Variants in CACNA1C observed in about 807,000 individuals in gnomAD.
The protein encoded by CACNA1C is calcium voltage-gated channel subunit alpha1 C, also known as voltage-dependent L-type calcium channel subunit alpha-1C.
In CACNA1C, 30 loss-of-function variants were observed where a neutral mutation model predicts 229.0. That is an observed-to-expected ratio of 0.13 (90% CI 0.10 to 0.18). The LOEUF is 0.18. CACNA1C is among the 10% of genes least tolerant of loss of function. CACNA1C has a pLI of 1.00. For synonymous variants in CACNA1C, 1,114 were observed against 1,132.5 expected (o/e 0.98, Z 0.33); for missense variants, 1,658 against 2,845.0 (o/e 0.58, Z 9.49).
intron 3 of CACNA1C, among the ~76,000 whole-genome samples, chr12:2,326,870 A>G (rs16929251): frequency 0.032 from 4,861 of 152,354 alleles, 176 homozygotes; most frequent in African/African-American, 0.083. Context: ...CAGGGTAGGC[A>G]TCAACAACTG....
intron 1 of CACNA1C, among the ~76,000 whole-genome samples, chr12:2,024,212 A>G (rs1448190308): frequency 6.6e-6 from 1 of 152,236 alleles, no homozygotes; most frequent in African/African-American, 2.4e-5. Flanking sequence ...CCTGAGGCTC[A>G]TTATGAGAAA....
chr12:2,646,259 G>A lies in CACNA1C; in HGVS notation c.3913-2216G>A, dbSNP rs2153629242. 6.6e-6 allele frequency: 1 copy of A among 152,058 alleles called. No individual in the cohort carries two copies. The highest frequency in any genetic ancestry group is 2.1e-4 in the South Asian group (1 of 4,804). The allele number at this position is 152,058 out of a possible 1,614,324, so 9.4% of individuals were successfully genotyped here. On this transcript the variant is annotated intron_variant, in intron 30 of 46. Transcript: ENST00000399655. The surrounding 1 kb of genome is among the most constrained non-coding windows in gnomAD (Gnocchi z 4.6). ...TCTGAATGTTTAAGAAGTAAAACAG[G>A]TTTTTTTTGGTTTTGTTTTGTTTTG... is the stretch of plus-strand genomic sequence containing the variant.
At chr12:2,330,710 AAAC>A (rs2096518994) in intron 3 of CACNA1C, among the ~76,000 whole-genome samples, 2 of 152,256 alleles carry the variant, frequency 1.3e-5, no homozygotes, top group Non-Finnish European at 2.9e-5. Flanking sequence ...CAATTTCTAA[AAAC>A]AACAATGATA....
At chr12:2,147,948 G>A (rs1000168349) in intron 3 of CACNA1C, among the ~76,000 whole-genome samples, 1 of 151,236 alleles carries the variant, frequency 6.6e-6, no homozygotes, top group Non-Finnish European at 1.5e-5. Flanking sequence ...GTAACAGGAG[G>A]ATGCTAGGAA....
At chr12:2,528,628 G>C (rs1235955218) in intron 9 of CACNA1C, among the ~76,000 whole-genome samples, 1 of 152,180 alleles carries the variant, frequency 6.6e-6, no homozygotes, top group African/African-American at 2.4e-5. Context: ...CACAAGTTTT[G>C]CAGCGGAGAA....
At chr12:2,135,591 TG>T (rs1314307851) in intron 3 of CACNA1C, among the ~76,000 whole-genome samples, 4 of 135,536 alleles carry the variant, frequency 3.0e-5, no homozygotes, top group African/African-American at 1.0e-4. Flanking sequence ...CTGCCCCTGC[TG>T]GGGGGTGCCT....
At position 2,682,694 on chromosome 12, in the gene CACNA1C, C is replaced by G; in HGVS notation, c.5573+16C>G. The G allele has an allele frequency of 6.2e-7, 1 of 1,606,322 alleles. No individual in the cohort carries two copies. The highest frequency in any genetic ancestry group is 8.5e-7 in the Non-Finnish European group (1 of 1,178,264). On this transcript the variant is annotated intron_variant, in intron 43 of 46. Transcript: ENST00000399655. ...CCACAGAGATGTGAGCTCTGCTGCC[C>G]TCTGCTGAGGCTGACCCAAGTGTGG... is the stretch of plus-strand genomic sequence containing the variant.
intron 3 of CACNA1C, among the ~76,000 whole-genome samples, chr12:2,357,650 G>C (rs1368017153): frequency 7.1e-6 from 1 of 140,732 alleles, no homozygotes; most frequent in African/African-American, 2.8e-5. Flanking sequence ...TTATTTGTTT[G>C]GGTTTTTTTT....
Position 2,525,095 on chromosome 12 carries a change from G to A in CACNA1C, c.1390+12111G>A, listed in dbSNP as rs369120035. 3.1e-4 allele frequency among the ~76,000 whole-genome samples: 47 copies of A among 152,334 alleles called. No homozygotes were observed. The East Asian group carries it at 7.0e-3, about 23-fold the overall frequency. Reference sequence around the variant, plus strand: ...GAAGCCAAAAAGAAAGATCAGGACAGAAAGACTGGGACCTGGTCCCAAAGG... The same window carrying A: ...GAAGCCAAAAAGAAAGATCAGGACAAAAAGACTGGGACCTGGTCCCAAAGG... On this transcript the variant is annotated intron_variant, in intron 9 of 46. Transcript: ENST00000399655.
Position 2,595,107 on chromosome 12 carries a change from G to T in CACNA1C, c.2664-767G>T, listed in dbSNP as rs1485875008. Among the ~76,000 whole-genome samples the T allele has an allele frequency of 1.3e-5, 2 of 152,164 alleles. No homozygotes were observed. Among genetic ancestry groups the T allele is most frequent in the Non-Finnish European group, 2.9e-5 (2 of 68,040 alleles). On this transcript the variant is annotated intron_variant, in intron 19 of 46. Coordinates refer to ENST00000399655, the MANE Select transcript of CACNA1C (RefSeq NM_000719.7). The surrounding 1 kb of genome is among the most constrained non-coding windows in gnomAD (Gnocchi z 4.1). ...AGAGAGTTTGGCCCTTCGAGGGTTT[G>T]GTGCTTCTGCAGCAGGAGGGCTTCT...
chr12:2,443,482 C>T (rs10848655), intron 3 of CACNA1C, among the ~76,000 whole-genome samples: 1 of 152,098 alleles, frequency 6.6e-6, no homozygotes, highest in African/African-American at 2.4e-5. Context: ...TGCAGTTGTT[C>T]GTACCTCCTC....
At chr12:2,316,118 T>C (rs1419323646) in intron 3 of CACNA1C, among the ~76,000 whole-genome samples, 1 of 152,246 alleles carries the variant, frequency 6.6e-6, no homozygotes, top group Non-Finnish European at 1.5e-5. Flanking sequence ...AGCTGCTGGC[T>C]CCACTAAGAG....
chr12:2,230,014 G>A (rs761176843), intron 3 of CACNA1C, among the ~76,000 whole-genome samples: 8 of 152,206 alleles, frequency 5.3e-5, no homozygotes, highest in Non-Finnish European at 7.4e-5. Context: ...GCCTGGCTCC[G>A]CAGTAGCTCT....
chr12:1,993,051 TATC>T, intron 1 of CACNA1C: 1 of 704,528 alleles, frequency 1.4e-6, no homozygotes, highest in Admixed American at 2.2e-5. Flanking sequence ...TTTAGGTTTA[TATC>T]ATCATATTTA....
chr12:2,615,817 G>A (rs571505965), intron 29 of CACNA1C, among the ~76,000 whole-genome samples: 12 of 152,336 alleles, frequency 7.9e-5, no homozygotes, highest in African/African-American at 2.9e-4. Flanking sequence ...CTCAGCAAGG[G>A]TACTGGGGGG....
At chr12:2,580,238 T>C (rs1600909291) in intron 13 of CACNA1C, among the ~76,000 whole-genome samples, 1 of 152,078 alleles carries the variant, frequency 6.6e-6, no homozygotes, top group Non-Finnish European at 1.5e-5. Context: ...AAAATAGAAG[T>C]AAGGAAAAGC....
In CACNA1C at chr12:2,566,656, C is replaced by A; in HGVS notation, c.1669+74C>A. ...CCCAAGGCCCAGGGGAGGGCATAAC[C>A]ACAGGCAGAAGGTGGAGGGGAAAGC... On this transcript the variant is annotated intron_variant, in intron 12 of 46. Coordinates refer to ENST00000399655, the MANE Select transcript of CACNA1C (RefSeq NM_000719.7). This position sits in a 1 kb window ranked among gnomAD's most constrained non-coding sequence, Gnocchi z 4.0. 1 of 1,309,630 alleles carries A rather than the reference C, an allele frequency of 7.6e-7. No homozygotes were observed. Among genetic ancestry groups the A allele is most frequent in the South Asian group, 1.4e-5 (1 of 69,390 alleles). The allele number at this position is 1,309,630 out of a possible 1,614,324, so 81.1% of individuals were successfully genotyped here. A position where few individuals can be genotyped will look rare whatever the true frequency, so the allele number is the denominator to read the frequency against.
intron 8 of CACNA1C, among the ~76,000 whole-genome samples, chr12:2,505,786 C>T (rs1402931785): frequency 1.3e-5 from 2 of 152,162 alleles, no homozygotes; most frequent in Non-Finnish European, 2.9e-5. Context: ...ATGCCAAGGC[C>T]TAACACCTAA....
rs758857733 is a variant in CACNA1C at position 2,535,704 on chromosome 12, TAAAAAAAAAA to T, written c.1391-14219_1391-14210del. The stretch of plus-strand genomic sequence containing the variant: ...CTGGGTGACAGAGCAAGACCCTGTC[TAAAAAAAAAA>T]AAAAAAAAAAAAAAAAAAACCTAAA... On this transcript the variant is annotated intron_variant, in intron 9 of 46. Coordinates refer to ENST00000399655, the MANE Select transcript of CACNA1C (RefSeq NM_000719.7). Among the ~76,000 whole-genome samples the T allele has an allele frequency of 4.7e-3, 172 of 36,562 alleles. 5 individuals are homozygous for T. In the East Asian group the frequency reaches 0.099, roughly 21 times the overall value. The allele number at this position is 36,562 out of a possible 152,430, so 24.0% of individuals were successfully genotyped here.
Sources: allele counts gnomAD v4.1 joint callset (sites outside exome capture counted in the v4.1 genomes callset), GRCh38; gene constraint gnomAD v4.1.1; non-coding constraint Gnocchi (gnomAD v3.1); transcripts MANE v1.5; gene names NCBI Gene and HGNC (gene_info 2026-07-23, HGNC 2026-07-21).